The following KCNN2 variants were observed in gnomAD, a reference collection of about 807,000 sequenced individuals.
KCNN2 encodes small conductance calcium-activated potassium channel protein 2.
A neutral mutation model predicts 55.5 loss-of-function variants in KCNN2; 24 were observed. The ratio of observed to expected loss-of-function variants is 0.43; its 90% CI spans 0.31 to 0.61. The LOEUF (loss-of-function observed/expected upper bound fraction) is 0.61, where lower values mean the gene tolerates loss of function less well. Ranked by LOEUF, KCNN2 falls within the 20% of genes least tolerant of loss-of-function variation. The probability of loss-of-function intolerance (pLI) is 0.08; values close to 1 mark genes in which losing one functional copy is unlikely to be tolerated. For missense variants in KCNN2, 754 were observed against 853.6 expected, an observed-to-expected ratio of 0.88 and a Z score of 1.45; for synonymous variants, 431 against 336.1, an observed-to-expected ratio of 1.28 and a Z score of -3.09.
intron 2 of KCNN2, among the ~76,000 whole-genome samples, chr5:114,347,010 TA>T (rs1345639783): frequency 6.6e-6 from 1 of 152,156 alleles, no homozygotes; most frequent in Admixed American, 6.5e-5. Flanking sequence ...ACTCATAGAA[TA>T]AAACACCCAT....
At chr5:114,438,585 A>G (rs569072394) in intron 3 of KCNN2, among the ~76,000 whole-genome samples, 2 of 152,284 alleles carry the variant, frequency 1.3e-5, no homozygotes, top group South Asian at 4.1e-4. Context: ...TAGTTTAGCC[A>G]TGCCAACAAC....
intron 3 of KCNN2, among the ~76,000 whole-genome samples, chr5:114,418,436 AG>A (rs760477281): frequency 3.3e-5 from 5 of 152,184 alleles, no homozygotes; most frequent in Non-Finnish European, 7.3e-5. Flanking sequence ...TCAGCCTGGA[AG>A]TATTTCCATT....
intron 2 of KCNN2, among the ~76,000 whole-genome samples, chr5:114,274,735 G>A (rs1407179633): frequency 1.3e-5 from 2 of 152,118 alleles, no homozygotes; most frequent in Non-Finnish European, 2.9e-5. Context: ...GAGATTTTGG[G>A]ATGAGACGAT....
intron 1 of KCNN2, among the ~76,000 whole-genome samples, chr5:114,131,003 A>C (rs1369377752): frequency 1.3e-5 from 2 of 152,230 alleles, no homozygotes; most frequent in African/African-American, 4.8e-5. Context: ...TCAAAAATAA[A>C]ATGTGAACAT....
intron 1 of KCNN2, among the ~76,000 whole-genome samples, chr5:114,127,878 C>G (rs1056108622): frequency 6.6e-6 from 1 of 152,180 alleles, no homozygotes; most frequent in Admixed American, 6.5e-5. Flanking sequence ...AAAAATGCCT[C>G]CAATCTCTTT....
intron 3 of KCNN2, among the ~76,000 whole-genome samples, chr5:114,418,881 C>T (rs981205755): frequency 4.6e-5 from 7 of 152,192 alleles, no homozygotes; most frequent in African/African-American, 1.4e-4. Context: ...CTAATTCCCA[C>T]CAACTGCCTC....
At chr5:114,088,265 A>G (rs1299079322) in intron 1 of KCNN2, among the ~76,000 whole-genome samples, 1 of 152,102 alleles carries the variant, frequency 6.6e-6, no homozygotes, top group Non-Finnish European at 1.5e-5. Flanking sequence ...GTCTCCTAAA[A>G]GTAATATGTC....
intron 6 of KCNN2, among the ~76,000 whole-genome samples, chr5:114,488,460 AG>A (rs1327958905): frequency 1.3e-5 from 2 of 152,188 alleles, no homozygotes; most frequent in Non-Finnish European, 2.9e-5. Flanking sequence ...TCTTAAAATA[AG>A]GAAAAACACA....
At chr5:114,272,038 T>G (rs1755348969) in intron 2 of KCNN2, among the ~76,000 whole-genome samples, 1 of 152,174 alleles carries the variant, frequency 6.6e-6, no homozygotes, top group African/African-American at 2.4e-5. Flanking sequence ...GTTGTGCTTT[T>G]GAATAAAAAT....
intron 3 of KCNN2, among the ~76,000 whole-genome samples, chr5:114,428,160 C>T (rs1759683863): frequency 6.6e-6 from 1 of 152,102 alleles, no homozygotes; most frequent in African/African-American, 2.4e-5. Flanking sequence ...GTTTATAGCT[C>T]TTTAATCTGT....
intron 3 of KCNN2, among the ~76,000 whole-genome samples, chr5:114,412,169 A>T (rs1759156175): frequency 6.6e-6 from 1 of 152,160 alleles, no homozygotes; most frequent in South Asian, 2.1e-4. Flanking sequence ...TATAGAGAAT[A>T]TGTAATTTGG....
chr5:114,489,221 G>C (rs1235301389), intron 6 of KCNN2, among the ~76,000 whole-genome samples: 2 of 152,122 alleles, frequency 1.3e-5, no homozygotes, highest in South Asian at 2.1e-4. Context: ...TCAAAAGCCT[G>C]GGGGAGAATT....
intron 2 of KCNN2, among the ~76,000 whole-genome samples, chr5:114,392,711 A>G (rs1313941568): frequency 6.6e-6 from 1 of 151,820 alleles, no homozygotes; most frequent in Non-Finnish European, 1.5e-5. Flanking sequence ...TGTGATGGGC[A>G]CCTGTAGTCT....
intron 2 of KCNN2, among the ~76,000 whole-genome samples, chr5:114,344,876 T>C (rs1161040742): frequency 6.6e-6 from 1 of 152,224 alleles, no homozygotes; most frequent in Non-Finnish European, 1.5e-5. Flanking sequence ...AAAGTCAAGA[T>C]AATCTATTAG....
intron 5 of KCNN2, among the ~76,000 whole-genome samples, chr5:114,478,544 G>T (rs1762077168): frequency 6.6e-6 from 1 of 151,942 alleles, no homozygotes; most frequent in African/African-American, 2.4e-5. Flanking sequence ...AGGAAATGCA[G>T]AGATCTCCAG....
chr5:114,489,100 T>C (rs926548802), intron 6 of KCNN2: 1 of 152,066 alleles, frequency 6.6e-6, no homozygotes, highest in African/African-American at 2.4e-5. Flanking sequence ...TCCAAGAAAA[T>C]GCTGTGATAG....
chr5:114,143,403 T>C lies in KCNN2; in HGVS notation c.-270-78077T>C, dbSNP rs115715449. The stretch of plus-strand genomic sequence containing the variant: ...GCAAAAGCTGGTTACAAACAATCCA[T>C]AGAAACAACGTGATGCTAGACAACC... On this transcript the variant is annotated intron_variant, in intron 1 of 10. Transcript: ENST00000512097. 3.1e-3 allele frequency among the ~76,000 whole-genome samples: 468 copies of C among 152,154 alleles called. 1 individual carries two copies. Among genetic ancestry groups the C allele is most frequent in the Non-Finnish European group, 5.0e-3 (342 of 67,996 alleles).
intron 1 of KCNN2, among the ~76,000 whole-genome samples, chr5:114,201,391 G>A (rs1753670932): frequency 6.6e-6 from 1 of 152,072 alleles, no homozygotes; most frequent in Non-Finnish European, 1.5e-5. Flanking sequence ...CCAGTGTTAA[G>A]CTCTCAAAAT....
At chr5:114,185,395 G>A (rs1753311113) in intron 1 of KCNN2, among the ~76,000 whole-genome samples, 1 of 152,194 alleles carries the variant, frequency 6.6e-6, no homozygotes, top group South Asian at 2.1e-4. Context: ...AGATGGGAGG[G>A]GTTCCCTGGA....
Sources: allele counts gnomAD v4.1 joint callset (sites outside exome capture counted in the v4.1 genomes callset), GRCh38; gene constraint gnomAD v4.1.1; transcripts MANE v1.5; gene names NCBI Gene and HGNC (gene_info 2026-07-23, HGNC 2026-07-21).